The following EPB41L2 variants were observed in gnomAD, a reference collection of about 807,000 sequenced individuals.
The protein encoded by EPB41L2 is erythrocyte membrane protein band 4.1 like 2, also known as band 4.1-like protein 2.
Under a neutral mutation model 113.0 loss-of-function variants are expected in EPB41L2, and 43 were observed. The ratio of observed to expected loss-of-function variants is 0.38; its 90% CI spans 0.30 to 0.49. The LOEUF (loss-of-function observed/expected upper bound fraction) is 0.49. Ranked by LOEUF, EPB41L2 falls within the 20% of genes least tolerant of loss-of-function variation. EPB41L2 has a pLI of 0.95. For synonymous variants in EPB41L2, 442 were observed against 436.7 expected, an observed-to-expected ratio of 1.01 and a Z score of -0.15; for missense variants, 1,147 against 1,223.4, an observed-to-expected ratio of 0.94 and a Z score of 0.93.
chr6:130,861,872 C>G (rs374475464), intron 18 of EPB41L2, among the ~76,000 whole-genome samples: 1 of 76,068 alleles, frequency 1.3e-5, no homozygotes, highest in African/African-American at 3.6e-5. Context: ...ACTCCATCTC[C>G]CCAAAAAAAA....
intron 3 of EPB41L2, among the ~76,000 whole-genome samples, chr6:130,941,451 C>T (rs761236826): frequency 1.3e-5 from 2 of 152,204 alleles, no homozygotes; most frequent in Non-Finnish European, 2.9e-5. Context: ...TTGCTAAGCA[C>T]CATATTTCCA....
intron 1 of EPB41L2, among the ~76,000 whole-genome samples, chr6:130,984,621 A>G (rs180797266): frequency 2.6e-4 from 40 of 152,298 alleles, no homozygotes; most frequent in Admixed American, 1.8e-3. Context: ...GAGAAGTCCA[A>G]ATGAAAAGCT....
intron 1 of EPB41L2, among the ~76,000 whole-genome samples, chr6:130,972,491 T>G (rs1404760460): frequency 5.9e-5 from 9 of 151,478 alleles, no homozygotes; most frequent in Non-Finnish European, 1.3e-4. Context: ...AAATAACTAA[T>G]GTTCCTTAAC....
chr6:130,955,912 AT>A, intron 2 of EPB41L2, 81 bp downstream of exon 2: 1 of 1,526,320 alleles, frequency 6.6e-7, no homozygotes, highest in South Asian at 1.3e-5. Flanking sequence ...AAATCTGGAA[AT>A]GATCCAAAAC....
intron 1 of EPB41L2, among the ~76,000 whole-genome samples, chr6:131,003,137 T>C (rs192252100): frequency 1.3e-5 from 2 of 150,408 alleles, no homozygotes; most frequent in Non-Finnish European, 3.0e-5. Flanking sequence ...ATTCTACATT[T>C]AAAAAAAAAT....
chr6:131,053,691 A>AT (rs373737794), intron 1 of EPB41L2, among the ~76,000 whole-genome samples: 134 of 152,320 alleles, frequency 8.8e-4, no homozygotes, highest in Middle Eastern at 3.4e-3. Flanking sequence ...TGCCTTCAGC[A>AT]TTCCTTCTGG....
chr6:130,950,585 G>A (rs901347593), intron 3 of EPB41L2, among the ~76,000 whole-genome samples: 2 of 152,062 alleles, frequency 1.3e-5, no homozygotes, highest in African/African-American at 4.8e-5. Context: ...ATCCAAGACA[G>A]TTTTAAAGTC....
chr6:130,901,287 T>C (rs1796235119), intron 6 of EPB41L2, 107 bp from the exon 7 acceptor site: 1 of 875,394 alleles, frequency 1.1e-6, no homozygotes, highest in Admixed American at 2.5e-5. Context: ...ATATACAATA[T>C]AGGCACTCTT....
intron 1 of EPB41L2, among the ~76,000 whole-genome samples, chr6:130,968,468 A>G (rs1775905206): frequency 6.6e-6 from 1 of 152,348 alleles, no homozygotes; most frequent in East Asian, 1.9e-4. Flanking sequence ...TGCCATTTTA[A>G]GTAATTATAG....
intron 3 of EPB41L2, among the ~76,000 whole-genome samples, chr6:130,944,868 G>C (rs1812260377): frequency 1.3e-5 from 2 of 152,154 alleles, no homozygotes; most frequent in Admixed American, 1.3e-4. Context: ...ATGAGGCCAG[G>C]CTCTGCTGCT....
chr6:130,895,185 T>A, intron 8 of EPB41L2, 66 bp from the exon 9 acceptor site: 3 of 1,505,584 alleles, frequency 2.0e-6, no homozygotes, highest in Non-Finnish European at 2.7e-6. Context: ...AAGAAGCTAA[T>A]TAGCTCCCTC....
intron 1 of EPB41L2, among the ~76,000 whole-genome samples, chr6:131,047,741 T>C (rs1437831691): frequency 6.6e-6 from 1 of 152,198 alleles, no homozygotes; most frequent in African/African-American, 2.4e-5. Context: ...TAAAATTCAG[T>C]CAGCTAAAAA....
At chr6:130,926,070 T>C (rs1804637976) in intron 4 of EPB41L2, among the ~76,000 whole-genome samples, 2 of 152,222 alleles carry the variant, frequency 1.3e-5, no homozygotes, top group South Asian at 4.1e-4. Flanking sequence ...TGACTGTGAT[T>C]TGAATGTTAG....
chr6:130,915,297 C>T (rs940926804), intron 4 of EPB41L2, among the ~76,000 whole-genome samples: 17 of 151,856 alleles, frequency 1.1e-4, no homozygotes, highest in Admixed American at 6.5e-5. Context: ...AGCGAGACTC[C>T]GTCTCAAAAA....
chr6:130,878,280 A>C, intron 13 of EPB41L2, 30 bp from the exon 14 acceptor site: 1 of 1,577,386 alleles, frequency 6.3e-7, no homozygotes, highest in Non-Finnish European at 8.6e-7. Flanking sequence ...CAAAGGGGGG[A>C]AAAATCCAAA....
At chr6:131,002,019 A>G (rs942856280) in intron 1 of EPB41L2, among the ~76,000 whole-genome samples, 7 of 152,164 alleles carry the variant, frequency 4.6e-5, no homozygotes, top group Non-Finnish European at 5.9e-5. Flanking sequence ...ATCTCACCAA[A>G]TTCACCTGAG....
At chr6:130,983,125 A>C (rs1779757476) in intron 1 of EPB41L2, among the ~76,000 whole-genome samples, 1 of 152,230 alleles carries the variant, frequency 6.6e-6, no homozygotes, top group African/African-American at 2.4e-5. Context: ...GACTTTATTC[A>C]ACTGTTTCCA....
intron 1 of EPB41L2, among the ~76,000 whole-genome samples, chr6:130,967,771 T>C (rs919408499): frequency 6.6e-6 from 1 of 152,250 alleles, no homozygotes; most frequent in African/African-American, 2.4e-5. Context: ...GTAAAGCTTT[T>C]GTGCAGATAA....
chr6:131,038,456 A>C (rs745556937), intron 1 of EPB41L2, among the ~76,000 whole-genome samples: 5 of 152,228 alleles, frequency 3.3e-5, no homozygotes, highest in Non-Finnish European at 5.9e-5. Flanking sequence ...TAGATATAAC[A>C]GTATTCACAG....
Sources: allele counts gnomAD v4.1 joint callset (sites outside exome capture counted in the v4.1 genomes callset), GRCh38; gene constraint gnomAD v4.1.1; transcripts MANE v1.5; gene names NCBI Gene and HGNC (gene_info 2026-07-23, HGNC 2026-07-21).